ADAMTS12: variants seen among roughly 807,000 people sequenced by gnomAD.
ADAMTS12 encodes ADAM metallopeptidase with thrombospondin type 1 motif 12, also known as A disintegrin and metalloproteinase with thrombospondin motifs 12.
ADAMTS12 carries 118 observed loss-of-function variants against 167.8 expected under a neutral mutation model. That is an observed-to-expected ratio of 0.70 (90% CI 0.61 to 0.82). ADAMTS12 has a LOEUF of 0.82. ADAMTS12 is among the 40% of genes least tolerant of loss of function. The pLI is 0.00. For synonymous variants in ADAMTS12, 704 were observed against 716.9 expected (o/e 0.98, Z 0.29); for missense variants, 1,916 against 1,998.8 (o/e 0.96, Z 0.79).
intron 16 of ADAMTS12, among the ~76,000 whole-genome samples, chr5:33,610,571 T>A (rs945179532): frequency 6.6e-6 from 1 of 152,176 alleles, no homozygotes; most frequent in African/African-American, 2.4e-5. Flanking sequence ...ACAGATTTAC[T>A]CCTATGATAT....
Position 33,779,948 on chromosome 5 carries a change from G to A in ADAMTS12, c.490-28400C>T, listed in dbSNP as rs146604970. Among the ~76,000 whole-genome samples the A allele has an allele frequency of 4.8e-4, 73 of 152,240 alleles. 1 individual carries two copies. The East Asian group carries it at 0.012, about 25-fold the overall frequency. ...TGACTATAGTTAATAATATTGTATT[G>A]TGCATTTGAAATTTGCTACGAGAGT... On this transcript the variant is annotated intron_variant, in intron 2 of 23. Transcript: ENST00000504830.
chr5:33,634,175 T>A (rs1740084581), intron 12 of ADAMTS12, among the ~76,000 whole-genome samples: 1 of 152,176 alleles, frequency 6.6e-6, no homozygotes, highest in Non-Finnish European at 1.5e-5. Flanking sequence ...AAAGTTTTGA[T>A]GCATTTCGTG....
chr5:33,618,168 T>C (rs1404209429), intron 14 of ADAMTS12, among the ~76,000 whole-genome samples: 1 of 152,210 alleles, frequency 6.6e-6, no homozygotes, highest in Non-Finnish European at 1.5e-5. Context: ...GAAAATAAAA[T>C]GTTAAGAAAT....
intron 3 of ADAMTS12, among the ~76,000 whole-genome samples, chr5:33,729,018 C>T (rs1316185618): frequency 6.6e-6 from 1 of 152,102 alleles, no homozygotes; most frequent in Non-Finnish European, 1.5e-5. Context: ...CATGTTTGCA[C>T]ATATGTGTAG....
At chr5:33,730,292 GTGTGT>G (rs1744143808) in intron 3 of ADAMTS12, among the ~76,000 whole-genome samples, 2 of 141,666 alleles carry the variant, frequency 1.4e-5, no homozygotes, top group East Asian at 2.0e-4. Flanking sequence ...CCATTAGGGT[GTGTGT>G]GTGTGTGTGT....
chr5:33,558,501 G>A (rs1378033783), intron 20 of ADAMTS12, among the ~76,000 whole-genome samples: 1 of 151,966 alleles, frequency 6.6e-6, no homozygotes, highest in East Asian at 1.9e-4. Context: ...AACCCTAAAG[G>A]CCATGAAAGA....
At chr5:33,828,648 A>G (rs1748183440) in intron 2 of ADAMTS12, among the ~76,000 whole-genome samples, 1 of 152,058 alleles carries the variant, frequency 6.6e-6, no homozygotes, top group Non-Finnish European at 1.5e-5. Context: ...TAGGGTCCAT[A>G]TTTGTATGAG....
At chr5:33,538,640 G>A (rs979848161) in intron 22 of ADAMTS12, among the ~76,000 whole-genome samples, 2 of 152,064 alleles carry the variant, frequency 1.3e-5, no homozygotes, top group East Asian at 1.9e-4. Context: ...CTCCCTTCCC[G>A]GATAAACTGC....
At chr5:33,744,128 G>T (rs1744699475) in intron 3 of ADAMTS12, among the ~76,000 whole-genome samples, 1 of 152,182 alleles carries the variant, frequency 6.6e-6, no homozygotes, top group Non-Finnish European at 1.5e-5. Context: ...ACACCCCTGG[G>T]CATAAGCAGA....
intron 3 of ADAMTS12, among the ~76,000 whole-genome samples, chr5:33,739,389 C>T (rs1265795498): frequency 6.6e-6 from 1 of 152,172 alleles, no homozygotes; most frequent in Non-Finnish European, 1.5e-5. Flanking sequence ...AATAACAGCC[C>T]TGATGTATTT....
chr5:33,833,891 G>C (rs1238144257), intron 2 of ADAMTS12, among the ~76,000 whole-genome samples: 1 of 152,148 alleles, frequency 6.6e-6, no homozygotes, highest in Admixed American at 6.5e-5. Flanking sequence ...GGAAAAAATG[G>C]GGCTACATTA....
At chr5:33,628,015 A>T (rs1165519434) in intron 13 of ADAMTS12, among the ~76,000 whole-genome samples, 1 of 152,154 alleles carries the variant, frequency 6.6e-6, no homozygotes, top group Non-Finnish European at 1.5e-5. Flanking sequence ...AGATCAAAAA[A>T]GGGGTGTGAT....
chr5:33,636,645 A>G (rs1740209523), intron 12 of ADAMTS12, among the ~76,000 whole-genome samples: 3 of 152,116 alleles, frequency 2.0e-5, no homozygotes, highest in Admixed American at 2.0e-4. Flanking sequence ...CAAATCTGTG[A>G]TTTTTCTTGT....
At chr5:33,757,276 G>C (rs1357824001) in intron 2 of ADAMTS12, among the ~76,000 whole-genome samples, 3 of 152,192 alleles carry the variant, frequency 2.0e-5, no homozygotes, top group Non-Finnish European at 4.4e-5. Context: ...AGGCTTCAGA[G>C]AATCAATAGA....
intron 2 of ADAMTS12, among the ~76,000 whole-genome samples, chr5:33,856,820 G>C (rs902117258): frequency 3.9e-5 from 6 of 152,176 alleles, no homozygotes; most frequent in African/African-American, 1.4e-4. Flanking sequence ...GATTGGTACA[G>C]CCATTACAGA....
Position 33,561,987 on chromosome 5 carries a change from G to A in ADAMTS12, c.3973-808C>T, listed in dbSNP as rs897187582. The stretch of plus-strand genomic sequence containing the variant: ...AGTCTGGTATCATTATGGTGTAGAT[G>A]AAGAAACAGGCTTTGAGAGCTGACC... On this transcript the variant is annotated intron_variant, in intron 19 of 23. Coordinates refer to ENST00000504830, the MANE Select transcript of ADAMTS12 (RefSeq NM_030955.4). Among the ~76,000 whole-genome samples, 3 of 151,168 alleles carry A rather than the reference G, an allele frequency of 2.0e-5. No homozygotes were observed. In the South Asian group the frequency reaches 6.3e-4, roughly 32 times the overall value.
intron 3 of ADAMTS12, among the ~76,000 whole-genome samples, chr5:33,693,726 A>C (rs1462654003): frequency 6.6e-6 from 1 of 152,170 alleles, no homozygotes; most frequent in Non-Finnish European, 1.5e-5. Context: ...AAATGACCAA[A>C]AGCTAGAAGC....
At chr5:33,695,577 T>C (rs898748843) in intron 3 of ADAMTS12, among the ~76,000 whole-genome samples, 2 of 152,160 alleles carry the variant, frequency 1.3e-5, no homozygotes, top group Non-Finnish European at 2.9e-5. Flanking sequence ...TTATACTAAG[T>C]GAAACAAGCC....
chr5:33,880,376 T>A (rs1373372300), intron 2 of ADAMTS12, among the ~76,000 whole-genome samples: 3 of 152,276 alleles, frequency 2.0e-5, no homozygotes, highest in African/African-American at 7.2e-5. Context: ...GTAAACTTTT[T>A]CTGAAAGACC....
Sources: gnomAD v4.1 joint callset for allele counts (sites outside exome capture counted in the v4.1 genomes callset) on GRCh38, gnomAD v4.1.1 for gene constraint, MANE v1.5 for transcripts, NCBI Gene and HGNC (gene_info 2026-07-23, HGNC 2026-07-21) for gene names.